DNAH8: variants seen among roughly 807,000 people sequenced by gnomAD.
The protein encoded by DNAH8 is axonemal beta dynein heavy chain 8.
Under a neutral mutation model 562.1 loss-of-function variants are expected in DNAH8, and 382 were observed. That is an observed-to-expected ratio of 0.68 (90% CI 0.63 to 0.74). DNAH8 has a LOEUF of 0.74. Among genes scored for constraint, DNAH8 ranks in the 30% least tolerant of loss-of-function variants. The probability of loss-of-function intolerance (pLI) is 0.00; values close to 1 mark genes in which losing one functional copy is unlikely to be tolerated. For synonymous variants in DNAH8, 1,881 were observed against 1,919.4 expected (o/e 0.98, Z 0.52); for missense variants, 5,203 against 5,620.4 (o/e 0.93, Z 2.37).
At position 38,894,857 on chromosome 6, in the gene DNAH8, G is replaced by A; in HGVS notation, c.8740G>A (p.Ala2914Thr). 1.2e-6 allele frequency: 2 copies of A among 1,613,362 alleles called. No individual in the cohort carries two copies. Among genetic ancestry groups the A allele is most frequent in the South Asian group, 1.1e-5 (1 of 90,810 alleles). ...CAAACACGAGTGCAGCAGAGTAATT[G>A]CAGACAGGTGCGTGTTGCGGCACTA... Reference protein sequence around the residue: ...LFKHECSRVIADRFITPEDEQ... With the variant: ...LFKHECSRVITDRFITPEDEQ... The change falls in exon 59 of 93, where the codon GCA becomes ACA. Residue 2914 changes from alanine (A) to threonine (T), a missense_variant. Ala to Thr is a moderately conservative substitution (Grantham distance 58, BLOSUM62 0). Around this residue, in one of 6 missense-constraint regions of DNAH8, gnomAD observed 977 missense variants for 1,061.8 expected, o/e 0.92. Transcript: ENST00000327475.
Position 38,783,073 on chromosome 6 carries a change from G to C in DNAH8, c.2329G>C (p.Val777Leu), listed in dbSNP as rs1174515801. The change falls in exon 17 of 93, where the codon GTG becomes CTG. Residue 777 changes from valine (V) to leucine (L), a missense_variant. Physicochemically the swap from Val to Leu is conservative, Grantham distance 32 (BLOSUM62 1). Around this residue, in one of 6 missense-constraint regions of DNAH8, gnomAD observed 2,176 missense variants for 2,365.1 expected, o/e 0.92. Transcript: ENST00000327475. ...CCGTCAGTATAACAAGATCTCCTAT[G>C]TGCTGGTGGAATTCGAGGTGGTCTA... ...VIRQYNKISY[V>L]LVEFEVVYHT... The C allele has an allele frequency of 2.5e-6, 4 of 1,613,786 alleles. No individual in the cohort carries two copies. Among genetic ancestry groups the C allele is most frequent in the Non-Finnish European group, 3.4e-6 (4 of 1,179,818 alleles).
chr6:38,776,261 G>A (rs116456473), intron 13 of DNAH8, among the ~76,000 whole-genome samples: 1,585 of 147,406 alleles, frequency 0.011, 30 homozygotes, highest in African/African-American at 0.038. Context: ...TCCATTGCCC[G>A]GGCTAGAGTG....
At chr6:38,887,551 T>A (rs915057444) in intron 57 of DNAH8, among the ~76,000 whole-genome samples, 4 of 152,008 alleles carry the variant, frequency 2.6e-5, no homozygotes, top group Non-Finnish European at 5.9e-5. Flanking sequence ...ACAAAAAATT[T>A]AAAACATTAG....
At chr6:38,809,028 GTGTATACCTATGTAACAAACC>G (rs1408386277) in intron 24 of DNAH8, among the ~76,000 whole-genome samples, 5 of 151,572 alleles carry the variant, frequency 3.3e-5, no homozygotes, top group African/African-American at 4.9e-5. Context: ...ACCATAGCAT[GTGTATACCTATGTAACAAACC>G]TGCATGTTCT....
intron 82 of DNAH8, among the ~76,000 whole-genome samples, chr6:38,968,225 C>T (rs543887827): frequency 2.0e-5 from 3 of 151,830 alleles, no homozygotes; most frequent in Admixed American, 6.6e-5. Flanking sequence ...TCTTTGAGGC[C>T]GTGGATTAGG....
chr6:38,870,305 C>G (rs1191088800), intron 48 of DNAH8, 96 bp from the exon 49 acceptor site: 1 of 1,062,328 alleles, frequency 9.4e-7, no homozygotes, highest in East Asian at 2.4e-5. Flanking sequence ...AAATGGTTCT[C>G]TGGGGATGAA....
At chr6:38,979,205 G>A (rs1763877635) in intron 85 of DNAH8, among the ~76,000 whole-genome samples, 1 of 152,168 alleles carries the variant, frequency 6.6e-6, no homozygotes, top group African/African-American at 2.4e-5. Flanking sequence ...GCCTCTGATT[G>A]AACGTCTCCT....
At position 38,857,514 on chromosome 6, in the gene DNAH8, G is replaced by T. The variant is rs1341793759; in HGVS notation, c.5734-4G>T. 4 of 1,596,640 alleles carry T rather than the reference G, an allele frequency of 2.5e-6. No individual in the cohort carries two copies. Among genetic ancestry groups the T allele is most frequent in the Non-Finnish European group, 3.4e-6 (4 of 1,168,494 alleles). The stretch of plus-strand genomic sequence containing the variant: ...ATTTTAATATTTTTCTGCTGGATCT[G>T]TAGGTTGGACTTCTGGGAATTCAGA... On this transcript the variant is annotated splice_region_variant and splice_polypyrimidine_tract_variant and intron_variant, in intron 41 of 92. Transcript: ENST00000327475.
At chr6:39,023,568 T>C (rs1583586409) in intron 91 of DNAH8, among the ~76,000 whole-genome samples, 1 of 152,174 alleles carries the variant, frequency 6.6e-6, no homozygotes, top group South Asian at 2.1e-4. Context: ...CAAGCTCTTA[T>C]AGAGAAAAAT....
At chr6:38,797,122 G>A (rs1007416617) in intron 21 of DNAH8, among the ~76,000 whole-genome samples, 3 of 152,162 alleles carry the variant, frequency 2.0e-5, no homozygotes, top group African/African-American at 7.2e-5. Context: ...GGCTGGACGC[G>A]GTGACTCATG....
chr6:38,977,392 C>G (rs1763747384), intron 85 of DNAH8, among the ~76,000 whole-genome samples: 1 of 152,192 alleles, frequency 6.6e-6, no homozygotes, highest in African/African-American at 2.4e-5. Context: ...CTGCTGCAGT[C>G]CAGTGATGTC....
In DNAH8 at chr6:38,736,022, C is replaced by T. The variant is rs575539188; in HGVS notation, c.763-1045C>T. Among the ~76,000 whole-genome samples, 118 of 152,086 alleles carry T rather than the reference C, an allele frequency of 7.8e-4. 1 individual carries two copies. Among genetic ancestry groups the T allele is most frequent in the African/African-American group, 2.5e-3 (103 of 41,484 alleles). Reference sequence around the variant, plus strand: ...GTGTGGTTGTGCACTCCTGGGGTCCCAGCTACTTGGGAGGCTGAGAGAAGA... The same window carrying T: ...GTGTGGTTGTGCACTCCTGGGGTCCTAGCTACTTGGGAGGCTGAGAGAAGA... On this transcript the variant is annotated intron_variant, in intron 5 of 92. Coordinates refer to ENST00000327475, the MANE Select transcript of DNAH8 (RefSeq NM_001206927.2).
intron 11 of DNAH8, among the ~76,000 whole-genome samples, chr6:38,767,123 C>T (rs964560287): frequency 1.3e-5 from 2 of 152,284 alleles, no homozygotes; most frequent in South Asian, 2.1e-4. Flanking sequence ...TAAACTGAAA[C>T]TCTGTAGCCA....
At position 39,008,693 on chromosome 6, in the gene DNAH8, C is replaced by CT. The variant is rs34058863; in HGVS notation, c.13215-107dup. ...AGGTTGATGGTAGTTAACTTTTCTT[C>CT]TTTTTTTTTTTTTTGTAGCTTGCTT... On this transcript the variant is annotated intron_variant, in intron 88 of 92. Transcript: ENST00000327475. 72,021 of 363,052 alleles carry CT rather than the reference C, an allele frequency of 0.2. 2,235 individuals are homozygous for CT. Among genetic ancestry groups the CT allele is most frequent in the Middle Eastern group, 0.24 (310 of 1,266 alleles). 22.5% of individuals were successfully genotyped at this position (363,052 alleles called of 1,614,324 possible).
intron 82 of DNAH8, among the ~76,000 whole-genome samples, chr6:38,957,981 C>T (rs1762362197): frequency 6.7e-6 from 1 of 150,192 alleles, no homozygotes; most frequent in Admixed American, 6.6e-5. Flanking sequence ...TAATAAAGAT[C>T]AGAGTAGAAA....
Position 38,737,892 on chromosome 6 carries a change from G to C in DNAH8, c.1036G>C (p.Val346Leu). 1 of 1,604,984 alleles carries C rather than the reference G, an allele frequency of 6.2e-7. No homozygotes were observed. The highest frequency in any genetic ancestry group is 8.5e-7 in the Non-Finnish European group (1 of 1,176,642). ...NFSKLHTFEE[V>L]TAAASNSETV... ...TTCCAAACTGCACACCTTTGAAGAA[G>C]TAACTGCTGCAGCCAGCAACTCAGA... Residue 346 changes from valine (V) to leucine (L), a missense_variant, in exon 7 of 93, where the codon GTA becomes CTA. Val to Leu is a conservative substitution (Grantham distance 32). This residue lies in a region of DNAH8 where 556 missense variants were observed against 496.9 expected (regional missense o/e 1.12). Transcript: ENST00000327475.
intron 6 of DNAH8, among the ~76,000 whole-genome samples, chr6:38,737,579 A>G (rs1764197677): frequency 6.6e-6 from 1 of 151,368 alleles, no homozygotes; most frequent in South Asian, 2.1e-4. Context: ...AAAATGTACA[A>G]TTTTATCAGT....
chr6:38,765,226 A>G (rs1766886697), intron 11 of DNAH8, among the ~76,000 whole-genome samples: 1 of 152,124 alleles, frequency 6.6e-6, no homozygotes. Context: ...CCTCTATTAG[A>G]TATATGGTTT....
chr6:38,810,381 C>T (rs1388016736), intron 24 of DNAH8, among the ~76,000 whole-genome samples: 4 of 152,156 alleles, frequency 2.6e-5, no homozygotes, highest in Admixed American at 1.3e-4. Context: ...CACTTGAGGT[C>T]AGGAGTTTGA....
Sources: gnomAD v4.1 joint callset for allele counts (sites outside exome capture counted in the v4.1 genomes callset) on GRCh38, gnomAD v4.1.1 for gene constraint, gnomAD v4.1.1 regional missense constraint, MANE v1.5 for transcripts, NCBI Gene and HGNC (gene_info 2026-07-23, HGNC 2026-07-21) for gene names.